Variants in KLB observed in about 807,000 individuals in gnomAD.
KLB encodes the protein beta-klotho.
KLB carries 44 observed loss-of-function variants against 88.4 expected under a neutral mutation model. That is an observed-to-expected ratio of 0.50 (90% CI 0.39 to 0.64). The LOEUF is 0.64. Among genes scored for constraint, KLB ranks in the 30% least tolerant of loss-of-function variants. The pLI is 0.00. For missense variants in KLB, 1,137 were observed against 1,304.8 expected (o/e 0.87, Z 1.98); for synonymous variants, 548 against 513.4 (o/e 1.07, Z -0.91).
chr4:39,448,555 T>G lies in KLB; in HGVS notation c.3004T>G (p.Cys1002Gly), dbSNP rs544251905. The part of the protein sequence containing the change: ...VQKKPLIFLG[C>G]CFFSTLVLLL... ...GAAGAAACCACTGATATTCCTGGGT[T>G]GTTGCTTCTTCTCCACCCTGGTTCT... The change falls in exon 5 of 5, where the codon TGT becomes GGT. Residue 1002 changes from cysteine to glycine, a missense_variant. Physicochemically the swap from Cys to Gly is radical, Grantham distance 159. Coordinates refer to ENST00000257408, the MANE Select transcript of KLB (RefSeq NM_175737.4). The G allele has an allele frequency of 4.5e-5, 73 of 1,614,238 alleles. No homozygotes were observed. In the East Asian group the frequency reaches 1.6e-3, roughly 35 times the overall value.
chr4:39,421,422 C>T (rs1743080355), intron 1 of KLB, among the ~76,000 whole-genome samples: 1 of 151,984 alleles, frequency 6.6e-6, no homozygotes, highest in African/African-American at 2.4e-5. Flanking sequence ...TGAGGGGCAC[C>T]CCAGGTGGTG....
chr4:39,409,641 G>A (rs542290601), intron 1 of KLB, among the ~76,000 whole-genome samples: 1 of 151,552 alleles, frequency 6.6e-6, no homozygotes, highest in Non-Finnish European at 1.5e-5. Flanking sequence ...AAAAATATCA[G>A]ATTGGGCCGG....
At chr4:39,414,604 C>T (rs934085923) in intron 1 of KLB, among the ~76,000 whole-genome samples, 1 of 151,826 alleles carries the variant, frequency 6.6e-6, no homozygotes, top group Non-Finnish European at 1.5e-5. Flanking sequence ...GGTGTGGTGG[C>T]TCACACCTGT....
intron 1 of KLB, among the ~76,000 whole-genome samples, chr4:39,433,486 CT>C (rs1172902594): frequency 1.3e-5 from 2 of 152,190 alleles, no homozygotes; most frequent in Non-Finnish European, 2.9e-5. Context: ...TCTATTATTA[CT>C]CATTTATAGG....
intron 1 of KLB, among the ~76,000 whole-genome samples, chr4:39,413,739 T>TAAATA (rs988245096): frequency 1.9e-4 from 29 of 149,236 alleles, no homozygotes; most frequent in African/African-American, 5.3e-4. Flanking sequence ...AAAAAAAAAA[T>TAAATA]AAATAAAATA....
At chr4:39,441,268 C>T (rs1743591123) in intron 3 of KLB, among the ~76,000 whole-genome samples, 1 of 152,152 alleles carries the variant, frequency 6.6e-6, no homozygotes, top group Non-Finnish European at 1.5e-5. Flanking sequence ...CCCTCCAGAG[C>T]CAGTTCCTAC....
At chr4:39,425,094 A>C (rs577273832) in intron 1 of KLB, among the ~76,000 whole-genome samples, 2 of 152,286 alleles carry the variant, frequency 1.3e-5, no homozygotes, top group African/African-American at 4.8e-5. Context: ...ATATCATTAC[A>C]CCCTCTACAA....
intron 1 of KLB, among the ~76,000 whole-genome samples, chr4:39,426,145 A>G (rs537593079): frequency 1.2e-4 from 18 of 151,982 alleles, no homozygotes; most frequent in African/African-American, 4.1e-4. Flanking sequence ...CCAGCTACTC[A>G]GGAGGCTGAG....
rs992693617 is a variant in KLB at position 39,437,813 on chromosome 4, C to T, written c.1423C>T (p.Arg475Cys). Residue 475 changes from arginine to cysteine, a missense_variant, in exon 3 of 5, where the codon CGC becomes TGC. Arg to Cys is a radical substitution (Grantham distance 180, BLOSUM62 -3). Transcript: ENST00000257408. ...TGAATGGCAGGATGCTTACACCATC[C>T]GCCGAGGATTATTTTATGTGGATTT... ...GFEWQDAYTIRRGLFYVDFNS... is the reference protein window; with the variant it reads ...GFEWQDAYTICRGLFYVDFNS... 5.0e-6 allele frequency: 8 copies of T among 1,613,962 alleles called. No individual in the cohort carries two copies. The highest frequency in any genetic ancestry group is 5.9e-6 in the Non-Finnish European group (7 of 1,180,006).
In KLB at chr4:39,451,324, G is replaced by T. The variant is rs2687971; in HGVS notation, c.*2638G>T. 3.9e-5 allele frequency: 6 copies of T among 151,992 alleles called. No homozygotes were observed. The East Asian group carries it at 1.2e-3, about 29-fold the overall frequency. The allele number at this position is 151,992 out of a possible 1,614,324, so 9.4% of individuals were successfully genotyped here. A position where few individuals can be genotyped will look rare whatever the true frequency, so the allele number is the denominator to read the frequency against. On this transcript the variant is annotated 3_prime_UTR_variant, in exon 5 of 5. Transcript: ENST00000257408. Reference sequence around the variant, plus strand: ...TGATAACTCTTGAAAGGAGCAAACAGGTAAGATCTTTGGAGTTTAAGCTTT... The same window carrying T: ...TGATAACTCTTGAAAGGAGCAAACATGTAAGATCTTTGGAGTTTAAGCTTT...
chr4:39,435,022 A>G (rs1458860503), intron 2 of KLB, among the ~76,000 whole-genome samples: 1 of 150,400 alleles, frequency 6.6e-6, no homozygotes, highest in East Asian at 2.0e-4. Context: ...GGCCAGGCTG[A>G]TCTCAAACTC....
intron 1 of KLB, among the ~76,000 whole-genome samples, chr4:39,431,878 T>C (rs3102165): frequency 0.93 from 142,198 of 152,262 alleles, 66,663 homozygotes; most frequent in Middle Eastern, 0.98. Flanking sequence ...CAGTTTCAGA[T>C]AGTTTATTCT....
At position 39,439,664 on chromosome 4, in the gene KLB, C is replaced by T. The variant is rs932225441; in HGVS notation, c.1605+1669C>T. 6.4e-3 allele frequency among the ~76,000 whole-genome samples: 874 copies of T among 136,002 alleles called. 7 individuals carry two copies. Among genetic ancestry groups the T allele is most frequent in the African/African-American group, 0.022 (827 of 37,262 alleles). 89.2% of individuals were successfully genotyped at this position (136,002 alleles called of 152,430 possible). A position where few individuals can be genotyped will look rare whatever the true frequency, so the allele number is the denominator to read the frequency against. On this transcript the variant is annotated intron_variant, in intron 3 of 4. Transcript: ENST00000257408. ...CCGCCACCATGCCTGGCAAATTTTTCTTTTTTTTTTTTGGAGACGGAGCTT... is the reference window on the plus strand; with the variant it reads ...CCGCCACCATGCCTGGCAAATTTTTTTTTTTTTTTTTTGGAGACGGAGCTT...
At chr4:39,415,421 G>T (rs1742945294) in intron 1 of KLB, among the ~76,000 whole-genome samples, 1 of 152,104 alleles carries the variant, frequency 6.6e-6, no homozygotes, top group African/African-American at 2.4e-5. Flanking sequence ...TTGAGCTCAG[G>T]AGTTCGAGGC....
intron 1 of KLB, among the ~76,000 whole-genome samples, chr4:39,409,548 CA>C (rs1742795909): frequency 6.6e-6 from 1 of 151,600 alleles, no homozygotes; most frequent in African/African-American, 2.4e-5. Context: ...CTCAGCCTCC[CA>C]AAGTGCTGGG....
Position 39,428,208 on chromosome 4 carries a change from C to T in KLB, c.826-6002C>T, listed in dbSNP as rs568931069. Among the ~76,000 whole-genome samples, 668 of 152,258 alleles carry T rather than the reference C, an allele frequency of 4.4e-3. 5 individuals carry two copies. Among genetic ancestry groups the T allele is most frequent in the African/African-American group, 0.015 (636 of 41,546 alleles). On this transcript the variant is annotated intron_variant, in intron 1 of 4. Transcript: ENST00000257408. ...TTGAGAGGCCAAGGCAGGCGGATCA[C>T]CTGAGGTCAGGAGTTCAAGACCAGC...
chr4:39,413,011 G>C (rs1373096306), intron 1 of KLB, among the ~76,000 whole-genome samples: 1 of 152,090 alleles, frequency 6.6e-6, no homozygotes. Flanking sequence ...ATTCAAATTG[G>C]CTAAAGCAAA....
rs1743807050 is a variant in KLB at position 39,448,298 on chromosome 4, C to G, written c.2750-3C>G. 9 of 1,566,828 alleles carry G rather than the reference C, an allele frequency of 5.7e-6. No individual in the cohort carries two copies. Among genetic ancestry groups the G allele is most frequent in the Non-Finnish European group, 6.9e-6 (8 of 1,154,778 alleles). ...ATTAATGTTAATTTCTTATCTTTTT[C>G]AGCATACCTGATTGATAAAGTCAGA... On this transcript the variant is annotated splice_region_variant and splice_polypyrimidine_tract_variant and intron_variant, in intron 4 of 4. Coordinates refer to ENST00000257408, the MANE Select transcript of KLB (RefSeq NM_175737.4).
chr4:39,407,891 C>CA (rs2109815592), intron 1 of KLB, 117 bp downstream of exon 1: 2 of 598,234 alleles, frequency 3.3e-6, no homozygotes, highest in Admixed American at 3.3e-5. Context: ...TAAGCTAATT[C>CA]AAAAGATCTA....
Sources: allele counts gnomAD v4.1 joint callset (sites outside exome capture counted in the v4.1 genomes callset), GRCh38; gene constraint gnomAD v4.1.1; transcripts MANE v1.5; gene names NCBI Gene and HGNC (gene_info 2026-07-23, HGNC 2026-07-21).